The following EPB41L1 variants were observed in gnomAD, a reference collection of about 807,000 sequenced individuals.
EPB41L1 encodes the protein band 4.1-like protein 1.
Under a neutral mutation model 97.8 loss-of-function variants are expected in EPB41L1, and 29 were observed. That is an observed-to-expected ratio of 0.30 (90% CI 0.22 to 0.40). The LOEUF is 0.40. Among genes scored for constraint, EPB41L1 ranks in the 10% least tolerant of loss-of-function variants. EPB41L1 has a pLI of 1.00. For missense variants in EPB41L1, 812 were observed against 1,162.3 expected, an observed-to-expected ratio of 0.70 and a Z score of 4.38; for synonymous variants, 383 against 459.2, an observed-to-expected ratio of 0.83 and a Z score of 2.12.
chr20:36,224,132 A>G (rs929511195), intron 21 of EPB41L1, among the ~76,000 whole-genome samples: 1 of 152,180 alleles, frequency 6.6e-6, no homozygotes, highest in East Asian at 1.9e-4. Flanking sequence ...CAGTGATGGA[A>G]GTGTTCTTTC....
chr20:36,207,759 G>A lies in EPB41L1; in HGVS notation c.1669-1729G>A, dbSNP rs2062905352. Reference sequence around the variant, plus strand: ...CCAATTCAGGCTGTGAAACCACGCTGGCAGAAGCTACTGGAACTGGGGTAA... The same window carrying A: ...CCAATTCAGGCTGTGAAACCACGCTAGCAGAAGCTACTGGAACTGGGGTAA... On this transcript the variant is annotated intron_variant, in intron 14 of 21. Transcript: ENST00000338074. The surrounding 1 kb of genome is among the most constrained non-coding windows in gnomAD (Gnocchi z 4.9). 3.9e-6 allele frequency: 5 copies of A among 1,289,480 alleles called. No individual in the cohort carries two copies. The African/African-American group carries it at 7.6e-5, about 20-fold the overall frequency. 79.9% of individuals were successfully genotyped at this position (1,289,480 alleles called of 1,614,324 possible). A position where few individuals can be genotyped will look rare whatever the true frequency, so the allele number is the denominator to read the frequency against.
chr20:36,214,098 T>C (rs894211754), intron 16 of EPB41L1, among the ~76,000 whole-genome samples: 5 of 152,240 alleles, frequency 3.3e-5, no homozygotes, highest in African/African-American at 1.2e-4. Flanking sequence ...TAGAGATTGC[T>C]AGGTCAAAGA....
At chr20:36,133,623 G>A (rs563834317) in intron 2 of EPB41L1, among the ~76,000 whole-genome samples, 179 of 152,268 alleles carry the variant, frequency 1.2e-3, no homozygotes, top group Middle Eastern at 6.8e-3. Flanking sequence ...TTGGGAGGCC[G>A]ATGCAGGCGT....
At chr20:36,215,780 T>C (rs6142532) in intron 17 of EPB41L1, among the ~76,000 whole-genome samples, 19 of 152,218 alleles carry the variant, frequency 1.2e-4, no homozygotes, top group African/African-American at 4.6e-4. Context: ...GTATGGGGGA[T>C]ACAGTTGAAG....
chr20:36,229,446 C>A lies in EPB41L1; in HGVS notation c.*106C>A. On this transcript the variant is annotated 3_prime_UTR_variant, in exon 22 of 22. Transcript: ENST00000338074. ...CGACGCAACACTGACGTCCCAGCTG[C>A]GACGTACTGTCACTGATGAGAGACT... The A allele has an allele frequency of 9.5e-7, 1 of 1,056,928 alleles. No homozygotes were observed. Among genetic ancestry groups the A allele is most frequent in the Non-Finnish European group, 1.5e-6 (1 of 673,774 alleles). The allele number at this position is 1,056,928 out of a possible 1,614,324, so 65.5% of individuals were successfully genotyped here. A position where few individuals can be genotyped will look rare whatever the true frequency, so the allele number is the denominator to read the frequency against.
At chr20:36,199,136 ACTTTT>A (rs1207840344) in intron 14 of EPB41L1, among the ~76,000 whole-genome samples, 7 of 152,236 alleles carry the variant, frequency 4.6e-5, no homozygotes, top group Non-Finnish European at 1.0e-4. Context: ...TTCACAGACG[ACTTTT>A]CTTTAACAAA....
At position 36,131,932 on chromosome 20, in the gene EPB41L1, C is replaced by A. The variant is rs78599539; in HGVS notation, c.-10+19452C>A. Among the ~76,000 whole-genome samples the A allele has an allele frequency of 7.9e-3, 1,198 of 152,234 alleles. 13 individuals are homozygous for A. The highest frequency in any genetic ancestry group is 0.027 in the African/African-American group (1,137 of 41,520). ...GGGTCTCTCCCTTTCCTCCCAGAGC[C>A]GTCACCTTCTTTCTGGGGTGCTTTC... On this transcript the variant is annotated intron_variant, in intron 2 of 19. Coordinates refer to the EPB41L1 transcript ENST00000202028.
intron 21 of EPB41L1, 120 bp from the exon 22 acceptor site, chr20:36,229,212 A>G: frequency 2.3e-6 from 2 of 870,810 alleles, no homozygotes. Context: ...AGGGTAGCAA[A>G]AACAACCTCT....
chr20:36,142,032 C>A (rs528378497), intron 2 of EPB41L1, among the ~76,000 whole-genome samples: 12 of 151,460 alleles, frequency 7.9e-5, no homozygotes, highest in Non-Finnish European at 1.2e-4. Context: ...TTGCTTGAAC[C>A]CAGGAGGCGG....
intron 3 of EPB41L1, among the ~76,000 whole-genome samples, chr20:36,177,265 G>T (rs2061280805): frequency 6.6e-6 from 1 of 152,174 alleles, no homozygotes; most frequent in Non-Finnish European, 1.5e-5. Flanking sequence ...TACCCCTGTG[G>T]GTTTGGAGTG....
intron 1 of EPB41L1, among the ~76,000 whole-genome samples, chr20:36,108,673 C>G (rs2058282380): frequency 6.6e-6 from 1 of 151,798 alleles, no homozygotes. Flanking sequence ...GACTCTGACT[C>G]AAAAAATAAA....
At chr20:36,174,853 G>A (rs979063646) in intron 2 of EPB41L1, among the ~76,000 whole-genome samples, 9 of 152,152 alleles carry the variant, frequency 5.9e-5, no homozygotes, top group Non-Finnish European at 1.2e-4. Flanking sequence ...AAGTAACAGA[G>A]GTGAAGACAA....
chr20:36,113,204 T>C (rs2859715), intron 2 of EPB41L1, among the ~76,000 whole-genome samples: 40,925 of 151,980 alleles, frequency 0.27, 7,223 homozygotes, highest in African/African-American at 0.51. Flanking sequence ...GGTGCTGTGA[T>C]TCTGGCAGGG....
At chr20:36,108,510 C>G (rs923456733) in intron 1 of EPB41L1, among the ~76,000 whole-genome samples, 39 of 150,746 alleles carry the variant, frequency 2.6e-4, no homozygotes, top group African/African-American at 9.0e-4. Flanking sequence ...CCTGTCTCTA[C>G]TGAAAATGCA....
At chr20:36,169,364 A>C (rs1214132135) in intron 1 of EPB41L1, among the ~76,000 whole-genome samples, 1 of 152,222 alleles carries the variant, frequency 6.6e-6, no homozygotes, top group Non-Finnish European at 1.5e-5. Context: ...GCACTGAGCC[A>C]CAGGGCCGCC....
At position 36,175,674 on chromosome 20, in the gene EPB41L1, G is replaced by A. The variant is rs772632635; in HGVS notation, c.301G>A (p.Val101Ile). ...AKKYKSAICR[V>I]TLLDASEYEC... ...GAAATACAAGAGTGCCATCTGCCGG[G>A]TCACTCTGCTTGATGCCTCGGAGTA... Residue 101 changes from valine (V) to isoleucine (I), a missense_variant, in exon 3 of 22, where the codon GTC becomes ATC. Transcript: ENST00000338074. 2.5e-5 allele frequency: 40 copies of A among 1,613,998 alleles called. No homozygotes were observed. The highest frequency in any genetic ancestry group is 3.1e-5 in the Non-Finnish European group (37 of 1,180,042).
At chr20:36,168,193 A>G (rs2060820145) in intron 1 of EPB41L1, among the ~76,000 whole-genome samples, 1 of 152,180 alleles carries the variant, frequency 6.6e-6, no homozygotes, top group Non-Finnish European at 1.5e-5. Flanking sequence ...AGAGGGTCAG[A>G]TGCTGACAGT....
intron 2 of EPB41L1, among the ~76,000 whole-genome samples, chr20:36,132,353 C>G (rs2059242954): frequency 6.6e-6 from 1 of 152,066 alleles, no homozygotes; most frequent in Non-Finnish European, 1.5e-5. Context: ...GGGTCCCTCC[C>G]ACCTCTGCCT....
At chr20:36,103,704 CTTTTT>C (rs398038437) in intron 1 of EPB41L1, among the ~76,000 whole-genome samples, 2 of 135,756 alleles carry the variant, frequency 1.5e-5, no homozygotes, top group African/African-American at 2.8e-5. Context: ...CTTTTTCTTT[CTTTTT>C]TTTTTTTTTT....
Sources: gnomAD v4.1 joint callset for allele counts (sites outside exome capture counted in the v4.1 genomes callset) on GRCh38, gnomAD v4.1.1 for gene constraint, Gnocchi (gnomAD v3.1) non-coding constraint, MANE v1.5 for transcripts, NCBI Gene and HGNC (gene_info 2026-07-23, HGNC 2026-07-21) for gene names.